The following CAPG variants were observed in gnomAD, a reference collection of about 807,000 sequenced individuals.
CAPG encodes macrophage-capping protein.
A neutral mutation model predicts 44.6 loss-of-function variants in CAPG; 32 were observed. The observed-to-expected ratio is 0.72, with a 90% CI of 0.54 to 0.96. CAPG has a LOEUF of 0.96. Ranked by LOEUF, CAPG falls within the 50% of genes least tolerant of loss-of-function variation. The probability of loss-of-function intolerance (pLI) is 0.00; values close to 1 mark genes in which losing one functional copy is unlikely to be tolerated. For synonymous variants in CAPG, 175 were observed against 179.6 expected (o/e 0.97, Z 0.20); for missense variants, 412 against 438.3 (o/e 0.94, Z 0.54).
chr2:85,409,100 T>G (rs1159804835), intron 1 of CAPG, among the ~76,000 whole-genome samples: 1 of 152,218 alleles, frequency 6.6e-6, no homozygotes, highest in African/African-American at 2.4e-5. Context: ...GTAGGGTCCT[T>G]TAGGGCAGGA....
At chr2:85,396,332 C>A (rs983621002) in intron 8 of CAPG, among the ~76,000 whole-genome samples, 1 of 151,498 alleles carries the variant, frequency 6.6e-6, no homozygotes, top group Admixed American at 6.6e-5. Flanking sequence ...ACCACAGGTG[C>A]ACGCCACCAC....
rs752107988 is a variant in CAPG at position 85,401,161 on chromosome 2, C to T, written c.516+4G>A. Reference sequence around the variant, plus strand: ...GGAGTGCTCAGTCTGGCCAGCCTACCCACCTGGCCCAGGTCCAGGATGAAG... The same window carrying T: ...GGAGTGCTCAGTCTGGCCAGCCTACTCACCTGGCCCAGGTCCAGGATGAAG... On this transcript the variant is annotated splice_donor_region_variant and intron_variant, in intron 5 of 9. Coordinates refer to ENST00000263867, the MANE Select transcript of CAPG (RefSeq NM_001747.4). 6.2e-6 allele frequency: 10 copies of T among 1,613,214 alleles called. No individual in the cohort carries two copies. In the South Asian group the frequency reaches 1.1e-4, roughly 18 times the overall value.
chr2:85,399,078 C>T, intron 6 of CAPG, 58 bp downstream of exon 6: 2 of 1,554,508 alleles, frequency 1.3e-6, no homozygotes, highest in Non-Finnish European at 1.8e-6. Flanking sequence ...CTCATCACCA[C>T]CTCTCTTGGC....
chr2:85,397,067 T>C (rs1686633520), intron 8 of CAPG, among the ~76,000 whole-genome samples: 1 of 152,124 alleles, frequency 6.6e-6, no homozygotes, highest in South Asian at 2.1e-4. Flanking sequence ...AGATAGAATC[T>C]TTTGGAAAAA....
chr2:85,416,771 C>T (rs150496909), intron 1 of CAPG, among the ~76,000 whole-genome samples: 8,966 of 152,216 alleles, frequency 0.059, 383 homozygotes, highest in Middle Eastern at 0.085. Context: ...GCCTCGGCCT[C>T]CCAAAGTGTT....
At chr2:85,394,687 C>T (rs1686500811), downstream of CAPG, 2 of 624,726 alleles carry the variant, frequency 3.2e-6, no homozygotes, top group Non-Finnish European at 5.8e-6. Context: ...GCTACTCCAC[C>T]CCCAGCATGG....
rs767528888 is a variant in CAPG, at chr2:85,399,139, G to A, written c.663C>T (p.Ile221=). 1.2e-6 allele frequency: 2 copies of A among 1,613,650 alleles called. No homozygotes were observed. Among genetic ancestry groups the A allele is most frequent in the Admixed American group, 1.7e-5 (1 of 60,022 alleles). ...ACCCACTCCAATGTCCCCCAACCTG[G>A]ATCATCTCAGCAGGCTCCTCCCCAT... is the stretch of plus-strand genomic sequence containing the variant. ...VTDGEEPAEM[I]QVLGPKPALK... is the part of the protein sequence containing the mutation. The change falls in exon 6 of 10, where the codon ATC becomes ATT. Residue 221 remains isoleucine (I), a synonymous_variant. Transcript: ENST00000263867.
chr2:85,399,747 T>C (rs1686793305), intron 5 of CAPG, among the ~76,000 whole-genome samples: 2 of 150,030 alleles, frequency 1.3e-5, no homozygotes, highest in Non-Finnish European at 1.5e-5. Flanking sequence ...TTTCTTTTTT[T>C]TTTTTTTTTT....
Position 85,401,688 on chromosome 2 carries a change from G to A in CAPG, c.197-5C>T, listed in dbSNP as rs1296739995. 1 of 1,614,088 alleles carries A rather than the reference G, an allele frequency of 6.2e-7. No homozygotes were observed. Among genetic ancestry groups the A allele is most frequent in the South Asian group, 1.1e-5 (1 of 91,064 alleles). On this transcript the variant is annotated splice_region_variant and splice_polypyrimidine_tract_variant and intron_variant, in intron 3 of 9. Coordinates refer to ENST00000263867, the MANE Select transcript of CAPG (RefSeq NM_001747.4). ...CATCCCGGGATGACTGCTGGCCTGG[G>A]ACAAGTGGGAGAGGGCAGGGCAAGG... is the stretch of plus-strand genomic sequence containing the variant.
rs1686565759 is a variant in CAPG at position 85,395,709 on chromosome 2, A to G, written c.893-83T>C. The G allele has an allele frequency of 3.1e-6, 3 of 953,828 alleles. No homozygotes were observed. The highest frequency in any genetic ancestry group is 4.9e-6 in the Non-Finnish European group (3 of 615,638). 59.1% of individuals were successfully genotyped at this position (953,828 alleles called of 1,614,324 possible). On this transcript the variant is annotated intron_variant, in intron 8 of 9. Coordinates refer to ENST00000263867, the MANE Select transcript of CAPG (RefSeq NM_001747.4). The surrounding 1 kb of genome is among the most constrained non-coding windows in gnomAD (Gnocchi z 4.3). Reference sequence around the variant, plus strand: ...CATTTTTCTTGAGGAAATTTAAGGGAGTCCACAGAAGAGCCAGCAATTTTT... The same window carrying G: ...CATTTTTCTTGAGGAAATTTAAGGGGGTCCACAGAAGAGCCAGCAATTTTT...
intron 1 of CAPG, among the ~76,000 whole-genome samples, chr2:85,417,156 G>A (rs559776923): frequency 6.6e-6 from 1 of 152,306 alleles, no homozygotes; most frequent in South Asian, 2.1e-4. Flanking sequence ...TACAGCCAGC[G>A]TCACACTGGG....
intron 1 of CAPG, among the ~76,000 whole-genome samples, chr2:85,407,009 C>A (rs969788148): frequency 6.6e-6 from 1 of 151,348 alleles, no homozygotes; most frequent in Non-Finnish European, 1.5e-5. Flanking sequence ...CAGCTCATTG[C>A]AACCTCTGCC....
chr2:85,414,090 G>A (rs1184557341), upstream of CAPG: 1 of 152,350 alleles, frequency 6.6e-6, no homozygotes, highest in African/African-American at 2.4e-5. Flanking sequence ...GAGGGGCCCG[G>A]CCGGTCTGAG....
chr2:85,402,793 C>CA (rs1686965409), intron 1 of CAPG, among the ~76,000 whole-genome samples: 1 of 141,526 alleles, frequency 7.1e-6, no homozygotes, highest in Admixed American at 7.3e-5. Context: ...TTTTTGGAGA[C>CA]AGAGTCTCAC....
chr2:85,392,789 G>C (rs1055266743), downstream of CAPG, among the ~76,000 whole-genome samples: 1 of 152,196 alleles, frequency 6.6e-6, no homozygotes, highest in Non-Finnish European at 1.5e-5. Flanking sequence ...GGCATGGCAG[G>C]AGTTGAATTG....
At chr2:85,416,306 C>T (rs1208457577) in intron 1 of CAPG, among the ~76,000 whole-genome samples, 1 of 152,198 alleles carries the variant, frequency 6.6e-6, no homozygotes, top group African/African-American at 2.4e-5. Flanking sequence ...GACCTGTCTT[C>T]TAACTACCCT....
At chr2:85,402,054 A>C in intron 2 of CAPG, 69 bp downstream of exon 2, 9 of 1,609,088 alleles carry the variant, frequency 5.6e-6, no homozygotes, top group Non-Finnish European at 5.1e-6. Context: ...TGAGGAGAGC[A>C]GTGGGGAGGG....
At chr2:85,416,965 T>C (rs1034503612) in intron 1 of CAPG, among the ~76,000 whole-genome samples, 1 of 152,210 alleles carries the variant, frequency 6.6e-6, no homozygotes, top group African/African-American at 2.4e-5. Context: ...ACCAAAACTT[T>C]GGTTTTGCCT....
Position 85,401,969 on chromosome 2 carries a change from G to T in CAPG, c.24-12C>A. The T allele has an allele frequency of 2.5e-6, 4 of 1,614,104 alleles. No individual in the cohort carries two copies. The highest frequency in any genetic ancestry group is 3.4e-6 in the Non-Finnish European group (4 of 1,179,954). On this transcript the variant is annotated splice_polypyrimidine_tract_variant and intron_variant, in intron 2 of 9. Transcript: ENST00000263867. Reference sequence around the variant, plus strand: ...GGAATGGAGAGCCACTGCGAGAAGAGAGAGGGTTGACAGCAGCCTGGACCC... The same window carrying T: ...GGAATGGAGAGCCACTGCGAGAAGATAGAGGGTTGACAGCAGCCTGGACCC...
Sources: gnomAD v4.1 joint callset for allele counts (sites outside exome capture counted in the v4.1 genomes callset) on GRCh38, gnomAD v4.1.1 for gene constraint, Gnocchi (gnomAD v3.1) non-coding constraint, MANE v1.5 for transcripts, NCBI Gene and HGNC (gene_info 2026-07-23, HGNC 2026-07-21) for gene names.